CCDC77: variants seen among roughly 807,000 people sequenced by gnomAD.
The protein encoded by CCDC77 is coiled-coil domain containing 77.
A neutral mutation model predicts 66.8 loss-of-function variants in CCDC77; 56 were observed. The ratio of observed to expected loss-of-function variants is 0.84; its 90% CI spans 0.68 to 1.05. CCDC77 has a LOEUF of 1.05. CCDC77 is among the 50% of genes least tolerant of loss of function. CCDC77 has a pLI of 0.00. For synonymous variants in CCDC77, 196 were observed against 195.2 expected, an observed-to-expected ratio of 1.00 and a Z score of -0.03; for missense variants, 570 against 576.8, an observed-to-expected ratio of 0.99 and a Z score of 0.12.
At chr12:394,815 G>C (rs1358722938) in intron 1 of CCDC77, among the ~76,000 whole-genome samples, 2 of 152,182 alleles carry the variant, frequency 1.3e-5, no homozygotes, top group African/African-American at 4.8e-5. Context: ...CCTGTAGGGA[G>C]GAGGATTATA....
chr12:430,519 G>T (rs1945630537), intron 6 of CCDC77, 145 bp from the exon 7 acceptor site: 2 of 673,220 alleles, frequency 3.0e-6, no homozygotes, highest in Non-Finnish European at 5.4e-6. Context: ...TGCCTGTGTG[G>T]TCTGTCATGT....
intron 9 of CCDC77, among the ~76,000 whole-genome samples, chr12:438,131 G>C (rs1945790074): frequency 2.6e-5 from 4 of 152,206 alleles, no homozygotes; most frequent in Non-Finnish European, 5.9e-5. Context: ...CTATGAACCA[G>C]TGAGCATGGG....
At chr12:405,056 G>A (rs1944966616) in intron 1 of CCDC77, among the ~76,000 whole-genome samples, 1 of 152,190 alleles carries the variant, frequency 6.6e-6, no homozygotes, top group South Asian at 2.1e-4. Context: ...TTGAAACAGT[G>A]AAATTTAACT....
At chr12:390,914 T>C (rs1304353382) in intron 1 of CCDC77, among the ~76,000 whole-genome samples, 1 of 152,148 alleles carries the variant, frequency 6.6e-6, no homozygotes, top group Non-Finnish European at 1.5e-5. Flanking sequence ...TAGATGGAGC[T>C]TTTCCACTGC....
Position 428,162 on chromosome 12 carries a change from C to T in CCDC77, c.414-607C>T, listed in dbSNP as rs182985374. Among the ~76,000 whole-genome samples, 212 of 152,220 alleles carry T rather than the reference C, an allele frequency of 1.4e-3. 1 individual carries two copies. In the Middle Eastern group the frequency reaches 0.027, roughly 20 times the overall value. On this transcript the variant is annotated intron_variant, in intron 5 of 12. Coordinates refer to ENST00000239830, the MANE Select transcript of CCDC77 (RefSeq NM_032358.4). ...GTTGGCAGAATGAGCCCATCAGCCC[C>T]GAAGAGCAAGATCTGAGCAGTAACC...
chr12:426,964 G>C (rs1945544128), intron 5 of CCDC77, among the ~76,000 whole-genome samples: 1 of 152,082 alleles, frequency 6.6e-6, no homozygotes, highest in African/African-American at 2.4e-5. Context: ...ATTGTCTCTA[G>C]GACTTAAAAC....
At position 411,966 on chromosome 12, in the gene CCDC77, T is replaced by G; in HGVS notation, c.258T>G (p.Ala86=). 6.2e-7 allele frequency: 1 copy of G among 1,612,998 alleles called. No individual in the cohort carries two copies. The highest frequency in any genetic ancestry group is 8.5e-7 in the Non-Finnish European group (1 of 1,179,342). ...AGAAACTGGAACTCTACAAAGAAGCTTGTGAAGGACAGGTAAAGAAACGAT... is the reference window on the plus strand; with the variant it reads ...AGAAACTGGAACTCTACAAAGAAGCGTGTGAAGGACAGGTAAAGAAACGAT... ...LLKKLELYKE[A]CEGQHKLECD... is the part of the protein sequence containing the mutation. The change falls in exon 4 of 13, where the codon GCT becomes GCG. Residue 86 remains alanine, a synonymous_variant. Transcript: ENST00000239830.
chr12:392,962 A>T (rs1019866640), intron 1 of CCDC77, among the ~76,000 whole-genome samples: 2 of 151,700 alleles, frequency 1.3e-5, no homozygotes, highest in African/African-American at 4.8e-5. Flanking sequence ...CATTTTTTGT[A>T]CTTTTTTTTT....
chr12:406,343 A>G (rs1026868029), intron 2 of CCDC77, among the ~76,000 whole-genome samples: 1 of 152,204 alleles, frequency 6.6e-6, no homozygotes, highest in Non-Finnish European at 1.5e-5. Flanking sequence ...ACATAGATAA[A>G]TGGGGAAAGA....
intron 5 of CCDC77, among the ~76,000 whole-genome samples, chr12:425,649 C>T (rs941580848): frequency 5.9e-5 from 9 of 151,964 alleles, no homozygotes; most frequent in African/African-American, 1.9e-4. Flanking sequence ...ATCTTTACAT[C>T]GGAGGGAATA....
At chr12:435,100 C>T (rs1945725280) in intron 9 of CCDC77, among the ~76,000 whole-genome samples, 1 of 111,374 alleles carries the variant, frequency 9.0e-6, no homozygotes, top group Non-Finnish European at 1.9e-5. Flanking sequence ...ATGCTCCCAT[C>T]CCCGTCTCAA....
At chr12:440,769 G>A in intron 11 of CCDC77, 27 bp downstream of exon 11, 2 of 1,613,624 alleles carry the variant, frequency 1.2e-6, no homozygotes, top group Non-Finnish European at 1.7e-6. Context: ...CACTTGTAAT[G>A]GAATAGGAAG....
Position 423,470 on chromosome 12 carries a change from G to GTTTT in CCDC77, c.413+4837_413+4840dup, listed in dbSNP as rs1307027692. Among the ~76,000 whole-genome samples, 158 of 44,856 alleles carry GTTTT rather than the reference G, an allele frequency of 3.5e-3. 32 individuals carry two copies. Among genetic ancestry groups the GTTTT allele is most frequent in the East Asian group, 0.014 (12 of 880 alleles). The allele number at this position is 44,856 out of a possible 152,430, so 29.4% of individuals were successfully genotyped here. A position where few individuals can be genotyped will look rare whatever the true frequency, so the allele number is the denominator to read the frequency against. ...TTGTTATTTTCTGGGTGTTTTTTGT[G>GTTTT]TTTTTTGTGTTTTTTTTTGTTTTGT... On this transcript the variant is annotated intron_variant, in intron 5 of 12. Transcript: ENST00000239830.
intron 4 of CCDC77, among the ~76,000 whole-genome samples, chr12:415,528 T>C (rs994691335): frequency 4.0e-5 from 6 of 148,360 alleles, no homozygotes; most frequent in Non-Finnish European, 8.9e-5. Context: ...ATTAACATAA[T>C]TATTAACATA....
chr12:411,399 C>T (rs533751391), intron 3 of CCDC77, among the ~76,000 whole-genome samples: 55 of 151,692 alleles, frequency 3.6e-4, no homozygotes, highest in African/African-American at 1.2e-3. Flanking sequence ...AGGCTGGTCT[C>T]GAACTCCTGA....
intron 2 of CCDC77, among the ~76,000 whole-genome samples, chr12:406,030 A>G (rs1183648938): frequency 6.7e-6 from 1 of 149,322 alleles, no homozygotes; most frequent in East Asian, 2.0e-4. Flanking sequence ...CGATCCTCCT[A>G]CCTCGGCCTC....
In CCDC77 at chr12:440,779, G is replaced by A. The variant is rs182204722; in HGVS notation, c.1167+37G>A. On this transcript the variant is annotated intron_variant, in intron 11 of 12. Coordinates refer to ENST00000239830, the MANE Select transcript of CCDC77 (RefSeq NM_032358.4). ...TCTGCCACTTGTAATGGAATAGGAA[G>A]TGCAGATGGCTGGGGAAGACGCTTC... 376 of 1,613,462 alleles carry A rather than the reference G, an allele frequency of 2.3e-4. 3 individuals carry two copies. In the African/African-American group the frequency reaches 3.2e-3, roughly 14 times the overall value.
intron 1 of CCDC77, among the ~76,000 whole-genome samples, chr12:403,115 A>G (rs908724463): frequency 6.6e-6 from 1 of 152,340 alleles, no homozygotes; most frequent in Admixed American, 6.5e-5. Context: ...GATGTCGTTT[A>G]TTTATTCAAC....
chr12:430,642 A>G, intron 6 of CCDC77, 22 bp from the exon 7 acceptor site: 3 of 1,587,786 alleles, frequency 1.9e-6, no homozygotes, highest in Non-Finnish European at 1.7e-6. Context: ...GGCTACTTCA[A>G]TACCAGTTTT....
Sources: gnomAD v4.1 joint callset for allele counts (sites outside exome capture counted in the v4.1 genomes callset) on GRCh38, gnomAD v4.1.1 for gene constraint, MANE v1.5 for transcripts, NCBI Gene and HGNC (gene_info 2026-07-23, HGNC 2026-07-21) for gene names.